Variants in CCND3 observed in about 807,000 individuals in gnomAD.
The protein encoded by CCND3 is G1/S-specific cyclin-D3.
CCND3 carries 9 observed loss-of-function variants against 28.7 expected under a neutral mutation model. The observed-to-expected ratio is 0.31, with a 90% CI of 0.19 to 0.55. CCND3 has a LOEUF of 0.55. CCND3 is among the 20% of genes least tolerant of loss of function. The pLI, the probability that CCND3 is intolerant of heterozygous loss-of-function variation, is 0.93. For missense variants in CCND3, 315 were observed against 385.8 expected, an observed-to-expected ratio of 0.82 and a Z score of 1.54; for synonymous variants, 164 against 163.9, an observed-to-expected ratio of 1.00 and a Z score of 0.00.
rs532002059 is a variant in CCND3 at position 42,009,140 on chromosome 6, C to T, written c.-46+39361G>A. Among the ~76,000 whole-genome samples, 17 of 152,278 alleles carry T rather than the reference C, an allele frequency of 1.1e-4. 1 individual carries two copies. The highest frequency in any genetic ancestry group is 3.8e-4 in the African/African-American group (16 of 41,560). ...GGGCTCAACTTCCTTGAGTGGACTG[C>T]TCTTCCCTCAACTGTGCCTAGGTCA... On this transcript the variant is annotated intron_variant, in intron 1 of 4. Transcript: ENST00000372988.
chr6:41,946,137 C>G (rs762152826), upstream of CCND3, among the ~76,000 whole-genome samples: 3 of 152,176 alleles, frequency 2.0e-5, no homozygotes, highest in Non-Finnish European at 4.4e-5. Flanking sequence ...AGTTAAACCA[C>G]CTCTCTGTGC....
Position 41,937,110 on chromosome 6 carries a change from G to A in CCND3, c.574+125C>T, listed in dbSNP as rs911607333. On this transcript the variant is annotated intron_variant, in intron 3 of 4. Transcript: ENST00000372991. Reference sequence around the variant, plus strand: ...CTGCTTTTCTGCATTGAGACTGGGGGCTCAGAGGGGGTATAATTTTCACAA... The same window carrying A: ...CTGCTTTTCTGCATTGAGACTGGGGACTCAGAGGGGGTATAATTTTCACAA... 12 of 1,021,288 alleles carry A rather than the reference G, an allele frequency of 1.2e-5. No individual in the cohort carries two copies. The East Asian group carries it at 1.7e-4, about 15-fold the overall frequency. 63.3% of individuals were successfully genotyped at this position (1,021,288 alleles called of 1,614,324 possible).
chr6:41,953,346 A>G (rs537470522), intron 1 of CCND3, among the ~76,000 whole-genome samples: 2 of 151,732 alleles, frequency 1.3e-5, no homozygotes, highest in Admixed American at 1.3e-4. Flanking sequence ...TCCCAACTAT[A>G]TATACACAAC....
chr6:41,951,777 GAGAC>G (rs2127400234), intron 1 of CCND3, among the ~76,000 whole-genome samples: 1 of 150,744 alleles, frequency 6.6e-6, no homozygotes, highest in Non-Finnish European at 1.5e-5. Context: ...TTTATTTTCT[GAGAC>G]AGAGTCTCGC....
At chr6:42,020,994 C>T (rs1429278800) in intron 1 of CCND3, among the ~76,000 whole-genome samples, 1 of 152,146 alleles carries the variant, frequency 6.6e-6, no homozygotes, top group African/African-American at 2.4e-5. Flanking sequence ...TCAGGTGATC[C>T]GCGTGCCTCG....
At chr6:42,019,394 C>T in intron 1 of CCND3, among the ~76,000 whole-genome samples, 1 of 145,884 alleles carries the variant, frequency 6.9e-6, no homozygotes, top group Non-Finnish European at 1.5e-5. Flanking sequence ...GAGGCTGAGG[C>T]AGGAGAATTG....
At chr6:42,005,539 T>G (rs1763150838) in intron 1 of CCND3, among the ~76,000 whole-genome samples, 1 of 16,386 alleles carries the variant, frequency 6.1e-5, no homozygotes. Context: ...AGACCCTGTC[T>G]CAAAAAAAAA....
chr6:41,958,404 T>C (rs1776492327), intron 1 of CCND3, among the ~76,000 whole-genome samples: 1 of 152,174 alleles, frequency 6.6e-6, no homozygotes, highest in Non-Finnish European at 1.5e-5. Context: ...CGAAAACCCC[T>C]GCTAGGTGAG....
intron 1 of CCND3, among the ~76,000 whole-genome samples, chr6:42,010,250 C>T (rs12527752): frequency 0.11 from 16,740 of 152,142 alleles, 1,878 homozygotes; most frequent in African/African-American, 0.27. Flanking sequence ...TTCACACGCC[C>T]CCCAAATAAA....
At chr6:41,953,422 G>C (rs910346223) in intron 1 of CCND3, among the ~76,000 whole-genome samples, 1 of 152,098 alleles carries the variant, frequency 6.6e-6, no homozygotes, top group Non-Finnish European at 1.5e-5. Flanking sequence ...AGACTACTTA[G>C]AGGGTGGCTC....
At chr6:41,987,513 CTCTCTGTGTGTGTG>C (rs1269218187) in intron 1 of CCND3, among the ~76,000 whole-genome samples, 321 of 41,880 alleles carry the variant, frequency 7.7e-3, no homozygotes, top group African/African-American at 0.049. Context: ...CTCTCTCTCT[CTCTCTGTGTGTGTG>C]TGTGTGTGTG....
intron 1 of CCND3, among the ~76,000 whole-genome samples, chr6:41,962,307 C>T (rs1382264219): frequency 2.0e-5 from 3 of 152,052 alleles, no homozygotes; most frequent in Admixed American, 6.6e-5. Flanking sequence ...ACCATGTTGA[C>T]CAGGCTGGTC....
rs373501238 is a variant in CCND3 at position 41,936,677 on chromosome 6, T to C, written c.593A>G (p.Tyr198Cys). 18 of 1,613,864 alleles carry C rather than the reference T, an allele frequency of 1.1e-5. No homozygotes were observed. The African/African-American group carries it at 2.3e-4, about 20-fold the overall frequency. The change falls in exon 4 of 5, where the codon TAC becomes TGC. Residue 198 changes from tyrosine (Y) to cysteine (C), a missense_variant. Coordinates refer to ENST00000372991, the MANE Select transcript of CCND3 (RefSeq NM_001760.5). This position sits in a 1 kb window ranked among gnomAD's most constrained non-coding sequence, Gnocchi z 4.4. Reference protein sequence around the residue: ...LCATDYTFAMYPPSMIATGSI... With the variant: ...LCATDYTFAMCPPSMIATGSI... Reference sequence around the variant, plus strand: ...GCCCGTGGCGATCATGGATGGCGGGTACATGGCAAAGGTATAATCTTGGAG... The same window carrying C: ...GCCCGTGGCGATCATGGATGGCGGGCACATGGCAAAGGTATAATCTTGGAG...
At chr6:42,023,094 T>C (rs1029466978) in intron 1 of CCND3, among the ~76,000 whole-genome samples, 3 of 152,222 alleles carry the variant, frequency 2.0e-5, no homozygotes, top group African/African-American at 7.2e-5. Flanking sequence ...TTCACAGACA[T>C]GCGCAAAGCC....
At chr6:41,944,285 C>T (rs1418529401), upstream of CCND3, among the ~76,000 whole-genome samples, 1 of 152,012 alleles carries the variant, frequency 6.6e-6, no homozygotes, top group Admixed American at 6.6e-5. Flanking sequence ...TGCAGTGAAC[C>T]ATAACGGCAC....
At chr6:42,019,510 G>GAAAGGAAATAT (rs1431258731) in intron 1 of CCND3, among the ~76,000 whole-genome samples, 29 of 138,000 alleles carry the variant, frequency 2.1e-4, no homozygotes, top group Middle Eastern at 3.7e-3. Context: ...AAAAAAAAAG[G>GAAAGGAAATAT]AAAGGAAATA....
Position 41,941,207 on chromosome 6 carries a change from C to T in CCND3, c.198+245G>A. Reference sequence around the variant, plus strand: ...GAGAGTGTCCTTGGTCCCGTTTGCTCGGCCCGAAGAGAGGCACAGTTAGGG... The same window carrying T: ...GAGAGTGTCCTTGGTCCCGTTTGCTTGGCCCGAAGAGAGGCACAGTTAGGG... On this transcript the variant is annotated intron_variant, in intron 1 of 4. Coordinates refer to ENST00000372991, the MANE Select transcript of CCND3 (RefSeq NM_001760.5). This position sits in a 1 kb window ranked among gnomAD's most constrained non-coding sequence, Gnocchi z 6.1. The T allele has an allele frequency of 5.6e-6, 8 of 1,436,178 alleles. No homozygotes were observed. Among genetic ancestry groups the T allele is most frequent in the Non-Finnish European group, 6.4e-6 (7 of 1,099,542 alleles). 89.0% of individuals were successfully genotyped at this position (1,436,178 alleles called of 1,614,324 possible).
chr6:42,015,125 G>A (rs369421076), intron 1 of CCND3, among the ~76,000 whole-genome samples: 1 of 152,218 alleles, frequency 6.6e-6, no homozygotes, highest in Non-Finnish European at 1.5e-5. Context: ...AGAAACTGAG[G>A]CTCAAAGAGG....
intron 1 of CCND3, among the ~76,000 whole-genome samples, chr6:42,022,830 TACC>T (rs1295348245): frequency 6.6e-6 from 1 of 152,180 alleles, no homozygotes; most frequent in East Asian, 1.9e-4. Flanking sequence ...GCAACATTTA[TACC>T]ACCAGGAGAG....
Sources: allele counts gnomAD v4.1 joint callset (sites outside exome capture counted in the v4.1 genomes callset), GRCh38; gene constraint gnomAD v4.1.1; non-coding constraint Gnocchi (gnomAD v3.1); transcripts MANE v1.5; gene names NCBI Gene and HGNC (gene_info 2026-07-23, HGNC 2026-07-21).